The following CNTN3 variants were observed in gnomAD, a reference collection of about 807,000 sequenced individuals.
The protein encoded by CNTN3 is contactin-3.
A neutral mutation model predicts 119.1 loss-of-function variants in CNTN3; 60 were observed. The observed-to-expected ratio is 0.50, with a 90% CI of 0.41 to 0.62. The LOEUF (loss-of-function observed/expected upper bound fraction) is 0.62, where lower values mean the gene tolerates loss of function less well. Among genes scored for constraint, CNTN3 ranks in the 20% least tolerant of loss-of-function variants. The probability of loss-of-function intolerance (pLI) is 0.00; values close to 1 mark genes in which losing one functional copy is unlikely to be tolerated. For missense variants in CNTN3, 1,101 were observed against 1,242.4 expected, an observed-to-expected ratio of 0.89 and a Z score of 1.71; for synonymous variants, 450 against 438.7, an observed-to-expected ratio of 1.03 and a Z score of -0.32.
At chr3:74,589,896 G>A (rs1307748562) in intron 1 of CNTN3, among the ~76,000 whole-genome samples, 1 of 141,272 alleles carries the variant, frequency 7.1e-6, no homozygotes, top group Non-Finnish European at 1.5e-5. Context: ...TCATGGATGG[G>A]AATTGTACAA....
intron 4 of CNTN3, among the ~76,000 whole-genome samples, chr3:74,447,269 G>C (rs1374187898): frequency 6.6e-6 from 1 of 152,134 alleles, no homozygotes; most frequent in African/African-American, 2.4e-5. Context: ...CCAGTAGGAG[G>C]ACTACTGAAC....
At chr3:74,349,859 T>C (rs2106745127) in intron 11 of CNTN3, among the ~76,000 whole-genome samples, 1 of 152,274 alleles carries the variant, frequency 6.6e-6, no homozygotes, top group Admixed American at 6.5e-5. Flanking sequence ...TCCCTGTAAA[T>C]AAAACATTTA....
At chr3:74,503,307 C>A (rs768084409) in intron 2 of CNTN3, among the ~76,000 whole-genome samples, 1 of 152,092 alleles carries the variant, frequency 6.6e-6, no homozygotes, top group Non-Finnish European at 1.5e-5. Flanking sequence ...GAGTTAATGG[C>A]CTATGAGGCA....
At chr3:74,411,576 T>C (rs1701439190) in intron 5 of CNTN3, among the ~76,000 whole-genome samples, 1 of 152,216 alleles carries the variant, frequency 6.6e-6, no homozygotes, top group African/African-American at 2.4e-5. Context: ...TTTTCTTTTT[T>C]AATTGTCCTC....
chr3:74,507,121 T>C (rs781408348), intron 2 of CNTN3, among the ~76,000 whole-genome samples: 1 of 152,162 alleles, frequency 6.6e-6, no homozygotes, highest in Admixed American at 6.5e-5. Flanking sequence ...GGAGAAGCTA[T>C]TAAGAACTAA....
At chr3:74,458,415 A>T (rs912285772) in intron 4 of CNTN3, among the ~76,000 whole-genome samples, 2 of 152,014 alleles carry the variant, frequency 1.3e-5, no homozygotes, top group South Asian at 4.1e-4. Context: ...AAAAAAAATC[A>T]AAGGAATAAC....
chr3:74,358,433 C>T (rs952008306), intron 11 of CNTN3, among the ~76,000 whole-genome samples: 4 of 150,552 alleles, frequency 2.7e-5, no homozygotes, highest in Non-Finnish European at 5.9e-5. Context: ...GGGTGCATTC[C>T]CGTCCATAAA....
intron 1 of CNTN3, among the ~76,000 whole-genome samples, chr3:74,613,325 A>G (rs1705114189): frequency 8.0e-6 from 1 of 124,398 alleles, no homozygotes; most frequent in Non-Finnish European, 1.7e-5. Flanking sequence ...TTATTTCTGG[A>G]TTTACCTACT....
chr3:74,461,585 T>C (rs963813312), intron 4 of CNTN3, among the ~76,000 whole-genome samples: 1 of 152,062 alleles, frequency 6.6e-6, no homozygotes, highest in Admixed American at 6.6e-5. Context: ...TTAAAATTGA[T>C]AAGTAGGTTC....
intron 1 of CNTN3, among the ~76,000 whole-genome samples, chr3:74,588,703 C>A (rs970777767): frequency 5.3e-5 from 8 of 152,162 alleles, no homozygotes; most frequent in African/African-American, 1.7e-4. Flanking sequence ...TGACTTCAAA[C>A]TATACTACAA....
At chr3:74,601,162 G>C (rs1704903802) in intron 1 of CNTN3, among the ~76,000 whole-genome samples, 1 of 151,968 alleles carries the variant, frequency 6.6e-6, no homozygotes, top group Non-Finnish European at 1.5e-5. Context: ...AGCATCTAAT[G>C]AGTTTTGCTA....
intron 5 of CNTN3, among the ~76,000 whole-genome samples, chr3:74,391,758 A>C (rs1157420696): frequency 3.3e-5 from 5 of 151,954 alleles, no homozygotes; most frequent in Non-Finnish European, 7.4e-5. Context: ...CCGGGGCTCA[A>C]GCGATTCTCC....
In CNTN3 at chr3:74,371,246, G is replaced by A. The variant is rs1220873744; in HGVS notation, c.608C>T (p.Thr203Ile). 1.2e-6 allele frequency: 2 copies of A among 1,613,496 alleles called. No homozygotes were observed. The highest frequency in any genetic ancestry group is 1.1e-5 in the South Asian group (1 of 91,072). The change falls in exon 6 of 23, where the codon ACA (threonine) becomes ATA (isoleucine). Residue 203 changes from threonine to isoleucine, a missense_variant. By Grantham distance (89) the Thr-to-Ile change is moderately conservative (BLOSUM62 -1). Coordinates refer to ENST00000263665, the MANE Select transcript of CNTN3 (RefSeq NM_020872.3). ...TGGAGAGCCCAGCACTCGGGCATTTGTCACCATACTTGTCACCACACATGT... is the reference window on the plus strand; with the variant it reads ...TGGAGAGCCCAGCACTCGGGCATTTATCACCATACTTGTCACCACACATGT... ...NYTCVVTSMV[T>I]NARVLGSPTP...
At chr3:74,524,958 G>A (rs1369654294) in intron 1 of CNTN3, among the ~76,000 whole-genome samples, 8 of 151,828 alleles carry the variant, frequency 5.3e-5, no homozygotes, top group South Asian at 2.1e-4. Flanking sequence ...AAAGCTCAGC[G>A]TGGTATGAAA....
intron 13 of CNTN3, among the ~76,000 whole-genome samples, chr3:74,304,739 G>C (rs1702525748): frequency 6.6e-6 from 1 of 152,176 alleles, no homozygotes. Flanking sequence ...CTAAAGAAAT[G>C]TAGTCAGGGG....
At chr3:74,309,753 T>C (rs1315921161) in intron 13 of CNTN3, among the ~76,000 whole-genome samples, 1 of 152,202 alleles carries the variant, frequency 6.6e-6, no homozygotes, top group Non-Finnish European at 1.5e-5. Context: ...TTCTCCTAAC[T>C]CTAATAATCT....
chr3:74,458,038 G>A (rs913024711), intron 4 of CNTN3, among the ~76,000 whole-genome samples: 22 of 152,070 alleles, frequency 1.4e-4, no homozygotes, highest in African/African-American at 5.1e-4. Flanking sequence ...ATGAAGCAGG[G>A]TAAATAGGTG....
chr3:74,363,058 C>T (rs1012121413), intron 10 of CNTN3, among the ~76,000 whole-genome samples: 1 of 152,164 alleles, frequency 6.6e-6, no homozygotes. Context: ...AGTAGGACTC[C>T]ACCCATTTTA....
intron 1 of CNTN3, among the ~76,000 whole-genome samples, chr3:74,582,335 G>A (rs1704525081): frequency 1.3e-5 from 2 of 152,048 alleles, no homozygotes; most frequent in South Asian, 4.1e-4. Context: ...GAACCCGGGA[G>A]GCAGAGGCTG....
Sources: gnomAD v4.1 joint callset for allele counts (sites outside exome capture counted in the v4.1 genomes callset) on GRCh38, gnomAD v4.1.1 for gene constraint, MANE v1.5 for transcripts, NCBI Gene and HGNC (gene_info 2026-07-23, HGNC 2026-07-21) for gene names.